The following IL4R variants were observed in gnomAD, a reference collection of about 807,000 sequenced individuals.
IL4R encodes the protein interleukin-4 receptor subunit alpha.
IL4R carries 17 observed loss-of-function variants against 41.5 expected under a neutral mutation model. That is an observed-to-expected ratio of 0.41 (90% CI 0.28 to 0.61). The LOEUF is 0.61. Among genes scored for constraint, IL4R ranks in the 20% least tolerant of loss-of-function variants. IL4R has a pLI of 0.31. For missense variants in IL4R, 974 were observed against 1,043.1 expected, an observed-to-expected ratio of 0.93 and a Z score of 0.91; for synonymous variants, 402 against 422.9, an observed-to-expected ratio of 0.95 and a Z score of 0.61.
chr16:27,348,533 A>G (rs2085746977), intron 6 of IL4R, among the ~76,000 whole-genome samples: 1 of 152,202 alleles, frequency 6.6e-6, no homozygotes, highest in Non-Finnish European at 1.5e-5. Flanking sequence ...GTTTTTAGGC[A>G]GGCTCTTCCC....
chr16:27,363,521 C>T lies in IL4R; in HGVS notation c.2169C>T (p.His723=). ...YSALTCHLCG[H]LKQCHGQEDG... is the part of the protein sequence containing the mutation. ...CCCTTACCTGCCACCTGTGCGGCCA[C>T]CTGAAACAGTGTCATGGCCAGGAGG... Residue 723 remains histidine, a synonymous_variant, in exon 11 of 11, where the codon CAC becomes CAT. Coordinates refer to ENST00000395762, the MANE Select transcript of IL4R (RefSeq NM_000418.4). 6.2e-7 allele frequency: 1 copy of T among 1,614,194 alleles called. No homozygotes were observed. The highest frequency in any genetic ancestry group is 8.5e-7 in the Non-Finnish European group (1 of 1,180,034).
intron 10 of IL4R, 125 bp downstream of exon 10, chr16:27,360,940 C>A: frequency 6.3e-7 from 1 of 1,588,098 alleles, no homozygotes; most frequent in Non-Finnish European, 8.6e-7. Context: ...GTGACATTAG[C>A]CTTCAAGGGA....
Position 27,352,666 on chromosome 16 carries a change from G to A in IL4R, c.640G>A (p.Glu214Lys), listed in dbSNP as rs904503791. 3.1e-6 allele frequency: 5 copies of A among 1,614,064 alleles called. No individual in the cohort carries two copies. The African/African-American group carries it at 5.3e-5, about 17-fold the overall frequency. ...TCAGTGCTATAACACCACCTGGAGTGAGTGGAGCCCCAGCACCAAGTGGCA... is the reference window on the plus strand; with the variant it reads ...TCAGTGCTATAACACCACCTGGAGTAAGTGGAGCCCCAGCACCAAGTGGCA... ...WAQCYNTTWS[E>K]WSPSTKWHNS... Residue 214 changes from glutamate (E) to lysine (K), a missense_variant, in exon 7 of 11, where the codon GAG (glutamate) becomes AAG (lysine). Glu to Lys is a moderately conservative substitution (Grantham distance 56, BLOSUM62 1). This residue lies in a region of IL4R where 284 missense variants were observed against 313.4 expected (regional missense o/e 0.91). Transcript: ENST00000395762.
At chr16:27,361,137 A>C in intron 10 of IL4R, 9 of 765,332 alleles carry the variant, frequency 1.2e-5, no homozygotes, top group South Asian at 3.0e-5. Context: ...TATCCTGAAC[A>C]CTCCCCTCCT....
chr16:27,353,251 A>G (rs3024617), intron 7 of IL4R, among the ~76,000 whole-genome samples: 5,662 of 152,252 alleles, frequency 0.037, 332 homozygotes, highest in African/African-American at 0.13. Flanking sequence ...TGAGCCCAGG[A>G]GTTTGAGGCT....
chr16:27,359,268 A>G (rs896170161), intron 9 of IL4R, among the ~76,000 whole-genome samples: 4 of 152,148 alleles, frequency 2.6e-5, no homozygotes, highest in African/African-American at 9.7e-5. Context: ...CCCTTGGGTC[A>G]TCATCACTGT....
At chr16:27,322,610 C>T (rs1475312055) in intron 1 of IL4R, among the ~76,000 whole-genome samples, 4 of 151,940 alleles carry the variant, frequency 2.6e-5, no homozygotes, top group African/African-American at 7.3e-5. Flanking sequence ...CTTGGGAGGG[C>T]GAGGTGGGAG....
At position 27,358,965 on chromosome 16, in the gene IL4R, C is replaced by A; in HGVS notation, c.820C>A (p.Leu274Ile). ...DQIPNPARSR[L>I]VAIIIQDAQG... Reference sequence around the variant, plus strand: ...GATTCCCAACCCAGCCCGCAGCCGCCTCGTGGCTATAATAATCCAGGATGC... The same window carrying A: ...GATTCCCAACCCAGCCCGCAGCCGCATCGTGGCTATAATAATCCAGGATGC... Residue 274 changes from leucine to isoleucine, a missense_variant, in exon 9 of 11, where the codon CTC becomes ATC. Around this residue, in one of 3 missense-constraint regions of IL4R, gnomAD observed 682 missense variants for 704.3 expected, o/e 0.97. Transcript: ENST00000395762. 9.3e-6 allele frequency: 15 copies of A among 1,613,972 alleles called. No homozygotes were observed. Among genetic ancestry groups the A allele is most frequent in the Non-Finnish European group, 1.3e-5 (15 of 1,179,838 alleles).
At chr16:27,319,356 A>G (rs2084742945) in intron 1 of IL4R, among the ~76,000 whole-genome samples, 2 of 152,258 alleles carry the variant, frequency 1.3e-5, no homozygotes, top group Admixed American at 1.3e-4. Flanking sequence ...AGAGAGGTTC[A>G]GTGACTTGTC....
intron 4 of IL4R, among the ~76,000 whole-genome samples, chr16:27,344,632 C>T (rs2085566406): frequency 6.6e-6 from 1 of 152,224 alleles, no homozygotes; most frequent in Non-Finnish European, 1.5e-5. Flanking sequence ...GGCAGCTAGG[C>T]AGGTGTGAGG....
chr16:27,318,094 G>A (rs1314915737), intron 1 of IL4R, among the ~76,000 whole-genome samples: 2 of 152,130 alleles, frequency 1.3e-5, no homozygotes, highest in African/African-American at 4.8e-5. Context: ...CACGATTTCT[G>A]AAAACCGAAA....
At chr16:27,321,175 C>A (rs530792835) in intron 1 of IL4R, among the ~76,000 whole-genome samples, 71 of 152,180 alleles carry the variant, frequency 4.7e-4, no homozygotes, top group African/African-American at 1.6e-3. Context: ...AACTCCTGAC[C>A]TAGGGTGATC....
intron 1 of IL4R, among the ~76,000 whole-genome samples, chr16:27,326,522 C>T (rs1028856958): frequency 1.3e-5 from 2 of 152,000 alleles, no homozygotes; most frequent in Admixed American, 6.6e-5. Flanking sequence ...AAAAATTATT[C>T]GAGCATGGTG....
At chr16:27,348,714 G>A (rs1350768367) in intron 6 of IL4R, among the ~76,000 whole-genome samples, 1 of 152,220 alleles carries the variant, frequency 6.6e-6, no homozygotes, top group African/African-American at 2.4e-5. Context: ...TGTGGGTGGA[G>A]AGAGGGTGCT....
chr16:27,355,806 A>G lies in IL4R; in HGVS notation c.671-2A>G. On this transcript the variant is annotated splice_acceptor_variant, in intron 7 of 10. Transcript: ENST00000395762. LOFTEE classifies it high-confidence loss of function. ...GCTCATGGCTTCCCCTCCCACTTCC[A>G]GCCTACAGGGAGCCCTTCGAGCAGC... 1 of 1,610,552 alleles carries G rather than the reference A, an allele frequency of 6.2e-7. No homozygotes were observed. The highest frequency in any genetic ancestry group is 8.5e-7 in the Non-Finnish European group (1 of 1,177,646).
rs184103622 is a variant in IL4R, at chr16:27,353,652, T to G, written c.670+956T>G. Among the ~76,000 whole-genome samples, 67 of 152,258 alleles carry G rather than the reference T, an allele frequency of 4.4e-4. 1 individual carries two copies. The highest frequency in any genetic ancestry group is 1.0e-3 in the Admixed American group (16 of 15,296). On this transcript the variant is annotated intron_variant, in intron 7 of 10. Coordinates refer to ENST00000395762, the MANE Select transcript of IL4R (RefSeq NM_000418.4). ...TCCATTCTTTTTTTAAAATTGTATT[T>G]TATTTTATTTTTAAAATTTTAAAAT...
chr16:27,337,452 G>A (rs926624672), intron 2 of IL4R, among the ~76,000 whole-genome samples: 10 of 152,192 alleles, frequency 6.6e-5, no homozygotes, highest in Admixed American at 3.3e-4. Context: ...GCAGAACAAA[G>A]CCTGGGAGCT....
At chr16:27,340,333 C>T (rs1354412832) in intron 3 of IL4R, 60 bp downstream of exon 3, 2 of 1,292,576 alleles carry the variant, frequency 1.5e-6, no homozygotes, top group East Asian at 2.3e-5. Flanking sequence ...CAGGGTCCTG[C>T]AGTATGTCAC....
rs914276290 is a variant in IL4R, at chr16:27,327,689, C to T, written c.-151-2377C>T. 9.9e-5 allele frequency among the ~76,000 whole-genome samples: 15 copies of T among 152,192 alleles called. No individual in the cohort carries two copies. In the East Asian group the frequency reaches 2.7e-3, roughly 27 times the overall value. On this transcript the variant is annotated intron_variant, in intron 1 of 10. Transcript: ENST00000395762. Reference sequence around the variant, plus strand: ...CTTAAACACGTGGATTTTGGAGTGACAATGCCTAGGTTATGGTTCTGTGAC... The same window carrying T: ...CTTAAACACGTGGATTTTGGAGTGATAATGCCTAGGTTATGGTTCTGTGAC...
Sources: allele counts gnomAD v4.1 joint callset (sites outside exome capture counted in the v4.1 genomes callset), GRCh38; gene constraint gnomAD v4.1.1; regional missense constraint gnomAD v4.1.1; transcripts MANE v1.5; gene names NCBI Gene and HGNC (gene_info 2026-07-23, HGNC 2026-07-21).